The following SCN11A variants were observed in gnomAD, a reference collection of about 807,000 sequenced individuals.
SCN11A encodes sodium voltage-gated channel alpha subunit 11, also known as sodium channel protein type 11 subunit alpha.
Under a neutral mutation model 162.2 loss-of-function variants are expected in SCN11A, and 122 were observed. The observed-to-expected ratio is 0.75, with a 90% CI of 0.65 to 0.87. The LOEUF (loss-of-function observed/expected upper bound fraction) is 0.87, where lower values mean the gene tolerates loss of function less well. Ranked by LOEUF, SCN11A falls within the 40% of genes least tolerant of loss-of-function variation. SCN11A has a pLI of 0.00. For missense variants in SCN11A, 2,015 were observed against 2,181.6 expected, an observed-to-expected ratio of 0.92 and a Z score of 1.52; for synonymous variants, 758 against 751.5, an observed-to-expected ratio of 1.01 and a Z score of -0.14.
At chr3:38,877,134 CTATATATA>C (rs201695513) in intron 23 of SCN11A, among the ~76,000 whole-genome samples, 1 of 36,320 alleles carries the variant, frequency 2.8e-5, no homozygotes, top group African/African-American at 1.0e-4. Context: ...GGTGTATATA[CTATATATA>C]TGGTATATAT....
Position 38,886,163 on chromosome 3 carries a change from C to T in SCN11A, c.2911G>A (p.Glu971Lys). 3.1e-6 allele frequency: 5 copies of T among 1,612,954 alleles called. No individual in the cohort carries two copies. The highest frequency in any genetic ancestry group is 4.2e-6 in the Non-Finnish European group (5 of 1,179,802). ...TGTATGGTCAGATGAGGCTCATCTT[C>T]AGAGAACATGTCAATTTCCACACTT... ...VQSVEIDMFS[E>K]DEPHLTIQDP... Residue 971 changes from glutamate (E) to lysine (K), a missense_variant, in exon 20 of 30, where the codon GAA becomes AAA. Physicochemically the swap from Glu to Lys is moderately conservative, Grantham distance 56. Coordinates refer to ENST00000302328, the MANE Select transcript of SCN11A (RefSeq NM_001349253.2).
intron 8 of SCN11A, 143 bp downstream of exon 8, chr3:38,926,660 G>A: frequency 1.2e-6 from 1 of 835,164 alleles, no homozygotes. Context: ...TGCTGTTCAG[G>A]GCCAACCAAC....
At chr3:38,854,867 C>G (rs2064841802) in intron 28 of SCN11A, among the ~76,000 whole-genome samples, 1 of 152,206 alleles carries the variant, frequency 6.6e-6, no homozygotes, top group African/African-American at 2.4e-5. Flanking sequence ...CCCTGGAATG[C>G]CATTCCTGAC....
intron 22 of SCN11A, among the ~76,000 whole-genome samples, chr3:38,882,504 T>C (rs538866410): frequency 3.9e-5 from 6 of 152,200 alleles, no homozygotes; most frequent in Admixed American, 3.9e-4. Flanking sequence ...TAAGGGAAGA[T>C]GCATGATAGA....
At chr3:38,975,348 TTAA>T (rs2066843361) in intron 2 of SCN11A, among the ~76,000 whole-genome samples, 1 of 152,112 alleles carries the variant, frequency 6.6e-6, no homozygotes, top group Non-Finnish European at 1.5e-5. Context: ...GACTCTGAAG[TTAA>T]TAATAACATT....
intron 2 of SCN11A, among the ~76,000 whole-genome samples, chr3:38,978,069 C>A (rs907142404): frequency 5.9e-5 from 9 of 152,202 alleles, no homozygotes; most frequent in Non-Finnish European, 1.2e-4. Flanking sequence ...TACCCACATA[C>A]AACAGGTATT....
chr3:38,867,483 G>T, intron 26 of SCN11A, 25 bp from the exon 27 acceptor site: 1 of 1,564,370 alleles, frequency 6.4e-7, no homozygotes, highest in South Asian at 1.2e-5. Flanking sequence ...TTTAATAAGA[G>T]AAAAAAACAA....
chr3:38,949,075 T>G (rs1046525248), intron 5 of SCN11A, among the ~76,000 whole-genome samples: 2 of 152,246 alleles, frequency 1.3e-5, no homozygotes, highest in African/African-American at 2.4e-5. Context: ...CAGGCAATCT[T>G]TCTTTGAAAG....
intron 7 of SCN11A, among the ~76,000 whole-genome samples, chr3:38,943,802 G>C (rs1342362861): frequency 1.3e-4 from 20 of 152,188 alleles, no homozygotes; most frequent in Non-Finnish European, 1.5e-5. Context: ...GTGGTTACCA[G>C]AGATGGGGAA....
At chr3:38,880,831 C>T (rs1026324351) in intron 22 of SCN11A, among the ~76,000 whole-genome samples, 2 of 152,274 alleles carry the variant, frequency 1.3e-5, no homozygotes, top group African/African-American at 2.4e-5. Context: ...ACTTCCCTCA[C>T]GCAAACTGTA....
intron 14 of SCN11A, 144 bp from the exon 15 acceptor site, chr3:38,905,465 C>T: frequency 1.2e-6 from 1 of 834,462 alleles, no homozygotes; most frequent in Admixed American, 3.4e-5. Flanking sequence ...TACAGCATGC[C>T]AAATATTCAG....
intron 2 of SCN11A, among the ~76,000 whole-genome samples, chr3:38,990,351 T>C (rs2030413162): frequency 6.6e-6 from 1 of 152,110 alleles, no homozygotes; most frequent in South Asian, 2.1e-4. Flanking sequence ...ACACCTGCAT[T>C]CCTGACCCAA....
intron 23 of SCN11A, among the ~76,000 whole-genome samples, chr3:38,879,746 TG>T (rs1488787690): frequency 6.6e-6 from 1 of 152,178 alleles, no homozygotes; most frequent in African/African-American, 2.4e-5. Flanking sequence ...TAAAGTGTAG[TG>T]TATGATGAGC....
chr3:38,905,113 T>A, intron 15 of SCN11A, 79 bp downstream of exon 15: 1 of 1,589,828 alleles, frequency 6.3e-7, no homozygotes, highest in Non-Finnish European at 8.6e-7. Flanking sequence ...TGCAGAGGGC[T>A]TCTAGGGGAT....
chr3:38,990,564 T>G (rs1341469221), intron 2 of SCN11A, among the ~76,000 whole-genome samples: 4 of 152,166 alleles, frequency 2.6e-5, no homozygotes, highest in Non-Finnish European at 5.9e-5. Flanking sequence ...TAGGGATGAC[T>G]GAGAATGGTT....
chr3:38,909,253 T>C (rs753002860), intron 12 of SCN11A, 59 bp from the exon 13 acceptor site: 10 of 1,556,060 alleles, frequency 6.4e-6, no homozygotes, highest in Non-Finnish European at 8.8e-6. Context: ...AAAGTGACCA[T>C]CACCTCAAGC....
chr3:38,897,489 G>A (rs1575262943), intron 17 of SCN11A, among the ~76,000 whole-genome samples: 1 of 152,136 alleles, frequency 6.6e-6, no homozygotes, highest in East Asian at 1.9e-4. Flanking sequence ...GGCCAAGGCG[G>A]GTGGATCACA....
intron 2 of SCN11A, among the ~76,000 whole-genome samples, chr3:38,963,718 C>T (rs1022637727): frequency 1.1e-4 from 16 of 151,572 alleles, no homozygotes; most frequent in Non-Finnish European, 1.3e-4. Context: ...TTCGGGGAGT[C>T]GGGGGGAAGA....
chr3:38,982,291 A>C (rs1016823973), intron 2 of SCN11A, among the ~76,000 whole-genome samples: 1 of 152,242 alleles, frequency 6.6e-6, no homozygotes, highest in Non-Finnish European at 1.5e-5. Flanking sequence ...CTGGACCACT[A>C]CAGGATGCAG....
Sources: allele counts gnomAD v4.1 joint callset (sites outside exome capture counted in the v4.1 genomes callset), GRCh38; gene constraint gnomAD v4.1.1; transcripts MANE v1.5; gene names NCBI Gene and HGNC (gene_info 2026-07-23, HGNC 2026-07-21).